CSRNP3: variants seen among roughly 807,000 people sequenced by gnomAD.
CSRNP3 encodes the protein cysteine/serine-rich nuclear protein 3.
Under a neutral mutation model 48.0 loss-of-function variants are expected in CSRNP3, and 12 were observed. The ratio of observed to expected loss-of-function variants is 0.25; its 90% CI spans 0.16 to 0.41. The LOEUF (loss-of-function observed/expected upper bound fraction) is 0.41, where lower values mean the gene tolerates loss of function less well. Among genes scored for constraint, CSRNP3 ranks in the 10% least tolerant of loss-of-function variants. The probability of loss-of-function intolerance (pLI) is 1.00; values close to 1 mark genes in which losing one functional copy is unlikely to be tolerated. For missense variants in CSRNP3, 580 were observed against 724.4 expected (o/e 0.80, Z 2.29); for synonymous variants, 263 against 269.7 (o/e 0.98, Z 0.24).
chr2:165,551,318 A>G lies in CSRNP3; in HGVS notation c.-24+33357A>G, dbSNP rs1685093057. Reference sequence around the variant, plus strand: ...AAAAGTTCCCACCAGGAGAAAATGAAGTTTCCTTCGCACCTTATTTCCATG... The same window carrying G: ...AAAAGTTCCCACCAGGAGAAAATGAGGTTTCCTTCGCACCTTATTTCCATG... On this transcript the variant is annotated intron_variant, in intron 3 of 6. Transcript: ENST00000651982. 2.0e-5 allele frequency among the ~76,000 whole-genome samples: 3 copies of G among 152,176 alleles called. No individual in the cohort carries two copies. In the South Asian group the frequency reaches 6.2e-4, roughly 31 times the overall value.
chr2:165,479,295 A>G (rs1217039027), intron 1 of CSRNP3, among the ~76,000 whole-genome samples: 1 of 152,168 alleles, frequency 6.6e-6, no homozygotes, highest in Non-Finnish European at 1.5e-5. Context: ...GTATTCAAAA[A>G]CAAGACAAAA....
chr2:165,640,652 A>C (rs1686708303), intron 4 of CSRNP3, among the ~76,000 whole-genome samples: 1 of 152,156 alleles, frequency 6.6e-6, no homozygotes, highest in African/African-American at 2.4e-5. Context: ...ATTATTGCTT[A>C]ATTCTAGAGT....
In CSRNP3 at chr2:165,494,808, T is replaced by C; in HGVS notation, c.-233T>C. 4.7e-6 allele frequency: 1 copy of C among 212,182 alleles called. No individual in the cohort carries two copies. Among genetic ancestry groups the C allele is most frequent in the Non-Finnish European group, 1.1e-5 (1 of 93,252 alleles). 13.1% of individuals were successfully genotyped at this position (212,182 alleles called of 1,614,324 possible). On this transcript the variant is annotated 5_prime_UTR_variant, in exon 2 of 7. Transcript: ENST00000651982. ...TGAGTGGAATTTTAAAGGGGAAGTT[T>C]GAAGAAGTCAACGGCTCCTCACCCT...
At chr2:165,606,198 T>C (rs939045249) in intron 4 of CSRNP3, among the ~76,000 whole-genome samples, 12 of 151,758 alleles carry the variant, frequency 7.9e-5, no homozygotes, top group African/African-American at 2.9e-4. Context: ...TGAAAATTAT[T>C]ATGTATTTGG....
chr2:165,622,962 G>C (rs1457440616), intron 4 of CSRNP3, among the ~76,000 whole-genome samples: 1 of 152,114 alleles, frequency 6.6e-6, no homozygotes, highest in Non-Finnish European at 1.5e-5. Context: ...AATTTGCACT[G>C]TACCTGTATG....
At chr2:165,544,845 G>A (rs545748557) in intron 3 of CSRNP3, among the ~76,000 whole-genome samples, 3 of 152,230 alleles carry the variant, frequency 2.0e-5, no homozygotes, top group East Asian at 3.9e-4. Context: ...AACCACAAGA[G>A]ACTGTAAGAT....
intron 3 of CSRNP3, among the ~76,000 whole-genome samples, chr2:165,576,441 C>T (rs1685452139): frequency 1.3e-5 from 2 of 151,954 alleles, no homozygotes; most frequent in African/African-American, 2.4e-5. Flanking sequence ...GCAACTGCTA[C>T]CACAGAGCAT....
chr2:165,620,460 C>G (rs949242911), intron 4 of CSRNP3, among the ~76,000 whole-genome samples: 3 of 152,010 alleles, frequency 2.0e-5, no homozygotes, highest in Non-Finnish European at 4.4e-5. Context: ...AAAGGAACCT[C>G]AGTCTTGAAA....
At chr2:165,567,021 T>C (rs1366350081) in intron 3 of CSRNP3, 4 of 152,110 alleles carry the variant, frequency 2.6e-5, no homozygotes, top group Non-Finnish European at 2.9e-5. Flanking sequence ...AAATAAAATA[T>C]AGAAAACTCT....
chr2:165,589,672 G>C (rs887927290), intron 3 of CSRNP3, among the ~76,000 whole-genome samples: 1 of 152,106 alleles, frequency 6.6e-6, no homozygotes, highest in Non-Finnish European at 1.5e-5. Context: ...TTCAGCTCTT[G>C]ACATCCCCAA....
Position 165,486,296 on chromosome 2 carries a change from G to A in CSRNP3, c.-282-8463G>A, listed in dbSNP as rs536883163. Among the ~76,000 whole-genome samples, 7 of 152,304 alleles carry A rather than the reference G, an allele frequency of 4.6e-5. No individual in the cohort carries two copies. In the East Asian group the frequency reaches 5.8e-4, roughly 13 times the overall value. On this transcript the variant is annotated intron_variant, in intron 1 of 6. Transcript: ENST00000651982. ...CCACACCTGGCTCGGAGGGTCCTAC[G>A]CCCACAGAATCTCGCTGATTGCTAG...
chr2:165,604,119 T>C (rs181998212), intron 4 of CSRNP3, among the ~76,000 whole-genome samples: 5 of 152,308 alleles, frequency 3.3e-5, no homozygotes, highest in Admixed American at 3.3e-4. Flanking sequence ...ACTGCACTAG[T>C]ATTAGGAGGT....
rs73029898 is a variant in CSRNP3 at position 165,629,603 on chromosome 2, G to C, written c.149-28158G>C. Among the ~76,000 whole-genome samples the C allele has an allele frequency of 2.3e-3, 353 of 152,266 alleles. 1 individual carries two copies. Among genetic ancestry groups the C allele is most frequent in the African/African-American group, 8.0e-3 (331 of 41,554 alleles). ...GTCCCAGGTCATTTGGTTACTTGTT[G>C]GACCAGAAGAGAGACCTAAATCAGA... On this transcript the variant is annotated intron_variant, in intron 4 of 6. Coordinates refer to ENST00000651982, the MANE Select transcript of CSRNP3 (RefSeq NM_001172173.2).
chr2:165,675,750 C>G (rs1687413221), intron 5 of CSRNP3, among the ~76,000 whole-genome samples: 1 of 152,198 alleles, frequency 6.6e-6, no homozygotes, highest in East Asian at 1.9e-4. Flanking sequence ...ATATCAAGCC[C>G]TCATTCTTGG....
intron 4 of CSRNP3, among the ~76,000 whole-genome samples, chr2:165,601,730 T>C (rs939703701): frequency 1.3e-5 from 2 of 151,052 alleles, no homozygotes; most frequent in African/African-American, 2.4e-5. Context: ...GGCATAAATA[T>C]GCCATCATGT....
At chr2:165,566,079 T>A (rs2105270616) in intron 3 of CSRNP3, among the ~76,000 whole-genome samples, 1 of 152,062 alleles carries the variant, frequency 6.6e-6, no homozygotes, top group African/African-American at 2.4e-5. Flanking sequence ...TTCATTCTTT[T>A]AAGAGTCTCC....
In CSRNP3 at chr2:165,679,062, T is replaced by C; in HGVS notation, c.1067T>C (p.Val356Ala). 6.2e-7 allele frequency: 1 copy of C among 1,612,632 alleles called. No homozygotes were observed. Among genetic ancestry groups the C allele is most frequent in the Non-Finnish European group, 8.5e-7 (1 of 1,179,674 alleles). ...GATGGGAGCAGCTTTTGCAGCGGAG[T>C]CACAGATTCTAGCACGCAAAGCTTG... ...EEDGSSFCSG[V>A]TDSSTQSLAP... Residue 356 changes from valine (V) to alanine (A), a missense_variant, in exon 7 of 7, where the codon GTC (valine) becomes GCC (alanine). Transcript: ENST00000651982.
At chr2:165,493,169 C>T (rs1684242383) in intron 1 of CSRNP3, among the ~76,000 whole-genome samples, 1 of 151,424 alleles carries the variant, frequency 6.6e-6, no homozygotes. Flanking sequence ...CCATGAGTGG[C>T]ACAAGGAGGG....
chr2:165,574,554 A>C, intron 3 of CSRNP3: 1 of 553,394 alleles, frequency 1.8e-6, no homozygotes, highest in Non-Finnish European at 3.1e-6. Context: ...TCCCTTAACT[A>C]GTTTATTTTT....
Sources: allele counts gnomAD v4.1 joint callset (sites outside exome capture counted in the v4.1 genomes callset), GRCh38; gene constraint gnomAD v4.1.1; transcripts MANE v1.5; gene names NCBI Gene and HGNC (gene_info 2026-07-23, HGNC 2026-07-21).